The following SLC6A2 variants were observed in gnomAD, a reference collection of about 807,000 sequenced individuals.
SLC6A2 encodes sodium-dependent noradrenaline transporter.
In SLC6A2, 26 loss-of-function variants were observed where a neutral mutation model predicts 71.7. The ratio of observed to expected loss-of-function variants is 0.36; its 90% confidence interval spans 0.27 to 0.50. The LOEUF is 0.50. Among genes scored for constraint, SLC6A2 ranks in the 20% least tolerant of loss-of-function variants. The pLI, the probability that SLC6A2 is intolerant of heterozygous loss-of-function variation, is 0.96. For missense variants in SLC6A2, 581 were observed against 803.9 expected, an observed-to-expected ratio of 0.72 and a Z score of 3.35; for synonymous variants, 363 against 337.9, an observed-to-expected ratio of 1.07 and a Z score of -0.82.
At chr16:55,688,629 G>T (rs892577126) in intron 5 of SLC6A2, among the ~76,000 whole-genome samples, 1 of 152,208 alleles carries the variant, frequency 6.6e-6, no homozygotes, top group East Asian at 1.9e-4. Flanking sequence ...AACTCAGATT[G>T]CTGGGTCCCT....
At position 55,685,165 on chromosome 16, in the gene SLC6A2, G is replaced by A. The variant is rs200894116; in HGVS notation, c.667G>A (p.Glu223Lys). 8.2e-5 allele frequency: 132 copies of A among 1,614,026 alleles called. No individual in the cohort carries two copies. The highest frequency in any genetic ancestry group is 1.0e-4 in the Non-Finnish European group (123 of 1,180,034). The change falls in exon 5 of 15, where the codon GAG (glutamate) becomes AAG (lysine). Residue 223 changes from glutamate (E) to lysine (K), a missense_variant. By Grantham distance (56) the Glu-to-Lys change is moderately conservative (BLOSUM62 1). This residue lies in a region of SLC6A2 where 87 missense variants were observed against 99.5 expected (regional missense o/e 0.87). Coordinates refer to ENST00000568943, the MANE Select transcript of SLC6A2 (RefSeq NM_001172501.3). ...FYERGVLHLH[E>K]SSGIHDIGLP... ...CAGGCGTGGTGTCCTGCACCTTCAC[G>A]AGAGCAGCGGGATTCATGACATCGG...
At chr16:55,687,241 T>C (rs900166327) in intron 5 of SLC6A2, among the ~76,000 whole-genome samples, 6 of 506 alleles carry the variant, frequency 0.012, no homozygotes, top group Non-Finnish European at 0.068. Context: ...TAAGAGATCA[T>C]TGCACAAGTA....
Position 55,685,197 on chromosome 16 carries a change from C to T in SLC6A2, c.699C>T (p.Pro233=). ...GCGGGATTCATGACATCGGCCTGCCCCAGTGGCAGCTCTTGCTCTGTCTGA... is the reference window on the plus strand; with the variant it reads ...GCGGGATTCATGACATCGGCCTGCCTCAGTGGCAGCTCTTGCTCTGTCTGA... The part of the protein sequence containing the change: ...ESSGIHDIGL[P]QWQLLLCLMV... The change falls in exon 5 of 15, where the codon CCC becomes CCT. Residue 233 remains proline, a synonymous_variant. Transcript: ENST00000568943. 6.2e-7 allele frequency: 1 copy of T among 1,614,114 alleles called. No homozygotes were observed.
At chr16:55,657,571 C>T (rs1208795856) in intron 2 of SLC6A2, among the ~76,000 whole-genome samples, 3 of 152,216 alleles carry the variant, frequency 2.0e-5, no homozygotes, top group African/African-American at 7.2e-5. Flanking sequence ...ATGCCATTCT[C>T]AGGGAGCACA....
intron 7 of SLC6A2, 37 bp from the exon 8 acceptor site, chr16:55,695,241 G>C (rs1364521630): frequency 1.9e-6 from 3 of 1,613,524 alleles, no homozygotes; most frequent in African/African-American, 2.7e-5. Flanking sequence ...GGTTGAGGGT[G>C]TCAAGGGACT....
rs2242446 is a variant in SLC6A2 at position 55,656,513 on chromosome 16, C to T, written c.-51-131C>T. 524,683 of 723,068 alleles carry T rather than the reference C, an allele frequency of 0.73. 190,945 individuals carry two copies. The highest frequency in any genetic ancestry group is 0.81 in the African/African-American group (45,848 of 56,582). 44.8% of individuals were successfully genotyped at this position (723,068 alleles called of 1,614,324 possible). On this transcript the variant is annotated intron_variant, in intron 1 of 14. Coordinates refer to ENST00000568943, the MANE Select transcript of SLC6A2 (RefSeq NM_001172501.3). This position sits in a 1 kb window ranked among gnomAD's most constrained non-coding sequence, Gnocchi z 4.5. Reference sequence around the variant, plus strand: ...CCAAATTTTTCCAGCGGACGCGCGCCCTTTTCTGGGAACCCTGCGTCCGCT... The same window carrying T: ...CCAAATTTTTCCAGCGGACGCGCGCTCTTTTCTGGGAACCCTGCGTCCGCT...
chr16:55,693,900 GT>G, intron 6 of SLC6A2, 109 bp from the exon 7 acceptor site: 1 of 809,726 alleles, frequency 1.2e-6, no homozygotes, highest in Non-Finnish European at 2.2e-6. Flanking sequence ...TTCAGACCAT[GT>G]TTCCTCTGGT....
At position 55,703,755 on chromosome 16, in the gene SLC6A2, A is replaced by G; in HGVS notation, c.*1409A>G. 1 of 985,118 alleles carries G rather than the reference A, an allele frequency of 1.0e-6. No homozygotes were observed. The highest frequency in any genetic ancestry group is 1.2e-6 in the Non-Finnish European group (1 of 829,748). The allele number at this position is 985,118 out of a possible 1,614,324, so 61.0% of individuals were successfully genotyped here. A position where few individuals can be genotyped will look rare whatever the true frequency, so the allele number is the denominator to read the frequency against. ...GGAGCTCCTGTTGCGGGATCTTGGG[A>G]AAAAATAAAGAAGCCGCTGCATTCG... On this transcript the variant is annotated 3_prime_UTR_variant, in exon 15 of 15. Transcript: ENST00000568943.
At chr16:55,680,675 C>G (rs767054036) in intron 4 of SLC6A2, among the ~76,000 whole-genome samples, 4 of 152,152 alleles carry the variant, frequency 2.6e-5, no homozygotes, top group Non-Finnish European at 5.9e-5. Flanking sequence ...CACCCAGGAA[C>G]AGTACTTTGC....
At chr16:55,680,701 C>T (rs1965242611) in intron 4 of SLC6A2, among the ~76,000 whole-genome samples, 1 of 152,166 alleles carries the variant, frequency 6.6e-6, no homozygotes, top group Non-Finnish European at 1.5e-5. Flanking sequence ...TCAATCCAAT[C>T]AAGTTGACAC....
At chr16:55,681,839 A>G (rs1965281185) in intron 4 of SLC6A2, among the ~76,000 whole-genome samples, 1 of 152,268 alleles carries the variant, frequency 6.6e-6, no homozygotes, top group South Asian at 2.1e-4. Context: ...TTTTGGAATT[A>G]AAGCCACCTT....
intron 12 of SLC6A2, 42 bp downstream of exon 12, chr16:55,699,696 G>C: frequency 1.4e-6 from 2 of 1,398,134 alleles, no homozygotes; most frequent in Non-Finnish European, 2.0e-6. Context: ...TGGGGAGGGG[G>C]CTGTGTCCAG....
chr16:55,705,086 T>G lies in SLC6A2; in HGVS notation c.*2740T>G. On this transcript the variant is annotated 3_prime_UTR_variant, in exon 15 of 15. Transcript: ENST00000568943. ...TGTACTGTATATGACACTTGACGCTTTTGATATTTTTTCAGGTTTTTAAAG... is the reference window on the plus strand; with the variant it reads ...TGTACTGTATATGACACTTGACGCTGTTGATATTTTTTCAGGTTTTTAAAG... 1 of 778,566 alleles carries G rather than the reference T, an allele frequency of 1.3e-6. No homozygotes were observed. Among genetic ancestry groups the G allele is most frequent in the Non-Finnish European group, 2.2e-6 (1 of 464,998 alleles). The allele number at this position is 778,566 out of a possible 1,614,324, so 48.2% of individuals were successfully genotyped here.
chr16:55,679,507 G>A (rs758356496), intron 4 of SLC6A2, among the ~76,000 whole-genome samples: 21 of 152,308 alleles, frequency 1.4e-4, no homozygotes, highest in African/African-American at 4.8e-4. Context: ...GATTGAAGGC[G>A]TGAGCCACCA....
chr16:55,668,958 TG>T (rs1964827304), intron 2 of SLC6A2, among the ~76,000 whole-genome samples: 1 of 152,148 alleles, frequency 6.6e-6, no homozygotes, highest in Non-Finnish European at 1.5e-5. Context: ...CAGTTTGCCC[TG>T]GGGGTACGTA....
chr16:55,705,305 AAGG>A lies in SLC6A2; in HGVS notation c.*2962_*2964del, dbSNP rs1567463940. ...TCCCTGAAGCTGCCTTAATTCTCAA[AAGG>A]AGTTACCGCTCAGCTGGGAGCCAGT... is the stretch of plus-strand genomic sequence containing the variant. On this transcript the variant is annotated 3_prime_UTR_variant, in exon 15 of 15. Coordinates refer to ENST00000568943, the MANE Select transcript of SLC6A2 (RefSeq NM_001172501.3). 1 of 1,494,156 alleles carries A rather than the reference AAGG, an allele frequency of 6.7e-7. No individual in the cohort carries two copies. Among genetic ancestry groups the A allele is most frequent in the South Asian group, 1.2e-5 (1 of 82,476 alleles). The allele number at this position is 1,494,156 out of a possible 1,614,324, so 92.6% of individuals were successfully genotyped here.
intron 4 of SLC6A2, among the ~76,000 whole-genome samples, chr16:55,683,849 G>A (rs1243944687): frequency 6.6e-6 from 1 of 152,070 alleles, no homozygotes; most frequent in Non-Finnish European, 1.5e-5. Flanking sequence ...CCCCATCCCA[G>A]GGTACACCTC....
intron 4 of SLC6A2, 80 bp downstream of exon 4, chr16:55,672,255 A>G: frequency 6.2e-7 from 1 of 1,611,768 alleles, no homozygotes; most frequent in Non-Finnish European, 8.5e-7. Context: ...GGAAAGTCAC[A>G]GACCAAGGAG....
At position 55,703,087 on chromosome 16, in the gene SLC6A2, G is replaced by A. The variant is rs1400982580; in HGVS notation, c.*741G>A. On this transcript the variant is annotated 3_prime_UTR_variant, in exon 15 of 15. Coordinates refer to ENST00000568943, the MANE Select transcript of SLC6A2 (RefSeq NM_001172501.3). ...AGGGTAAATGAACCACAGTGAGCAGGTTCTAGGAGGTACCTGCATCAGACA... is the reference window on the plus strand; with the variant it reads ...AGGGTAAATGAACCACAGTGAGCAGATTCTAGGAGGTACCTGCATCAGACA... The A allele has an allele frequency of 1.0e-6, 1 of 985,708 alleles. No homozygotes were observed. Among genetic ancestry groups the A allele is most frequent in the East Asian group, 1.1e-4 (1 of 8,826 alleles). 61.1% of individuals were successfully genotyped at this position (985,708 alleles called of 1,614,324 possible).
Sources: allele counts gnomAD v4.1 joint callset (sites outside exome capture counted in the v4.1 genomes callset), GRCh38; gene constraint gnomAD v4.1.1; regional missense constraint gnomAD v4.1.1; non-coding constraint Gnocchi (gnomAD v3.1); transcripts MANE v1.5; gene names NCBI Gene and HGNC (gene_info 2026-07-23, HGNC 2026-07-21).